The following CORO1C variants were observed in gnomAD, a reference collection of about 807,000 sequenced individuals.
CORO1C encodes coronin-1C.
CORO1C carries 14 observed loss-of-function variants against 51.2 expected under a neutral mutation model. The observed-to-expected ratio is 0.27, with a 90% CI of 0.18 to 0.43. CORO1C has a LOEUF of 0.43. Ranked by LOEUF, CORO1C falls within the 20% of genes least tolerant of loss-of-function variation. CORO1C has a pLI of 1.00. For missense variants in CORO1C, 417 were observed against 607.8 expected, an observed-to-expected ratio of 0.69 and a Z score of 3.30; for synonymous variants, 181 against 210.5, an observed-to-expected ratio of 0.86 and a Z score of 1.21.
chr12:108,698,697 G>A (rs2136862409), intron 2 of CORO1C, among the ~76,000 whole-genome samples: 1 of 152,358 alleles, frequency 6.6e-6, no homozygotes, highest in African/African-American at 2.4e-5. Flanking sequence ...ATGGGCCACT[G>A]TGCCCGGCCA....
chr12:108,727,010 TA>T (rs2035609416), intron 1 of CORO1C, among the ~76,000 whole-genome samples: 2 of 152,330 alleles, frequency 1.3e-5, no homozygotes, highest in South Asian at 4.1e-4. Flanking sequence ...ACATAGGCAA[TA>T]AAGACATTCA....
chr12:108,700,828 G>T (rs2034842971), intron 2 of CORO1C: 1 of 266,228 alleles, frequency 3.8e-6, no homozygotes, highest in South Asian at 9.3e-5. Flanking sequence ...TTTGTGAAAA[G>T]CAGATGATTA....
chr12:108,673,586 C>T (rs1468890312), intron 3 of CORO1C, among the ~76,000 whole-genome samples: 1 of 152,164 alleles, frequency 6.6e-6, no homozygotes, highest in East Asian at 1.9e-4. Flanking sequence ...AAAGAAGATG[C>T]CATCTAGAAC....
intron 6 of CORO1C, 152 bp from the exon 7 acceptor site, chr12:108,654,562 A>C: frequency 1.7e-4 from 85 of 488,718 alleles, no homozygotes; most frequent in East Asian, 2.5e-4. Context: ...TACAATACTC[A>C]TACATGGAAA....
At chr12:108,670,907 GA>G (rs1466556162) in intron 3 of CORO1C, among the ~76,000 whole-genome samples, 1 of 149,348 alleles carries the variant, frequency 6.7e-6, no homozygotes, top group Non-Finnish European at 1.5e-5. Flanking sequence ...AAAAAAATTA[GA>G]AATAAATGAA....
At chr12:108,715,643 C>A (rs961069061) in intron 1 of CORO1C, among the ~76,000 whole-genome samples, 1 of 46,622 alleles carries the variant, frequency 2.1e-5, no homozygotes, top group African/African-American at 1.0e-4. Context: ...CCCTCCCCCC[C>A]TCCCCCCCGC....
At chr12:108,699,763 T>G (rs115862808) in intron 2 of CORO1C, among the ~76,000 whole-genome samples, 166 of 152,280 alleles carry the variant, frequency 1.1e-3, no homozygotes, top group African/African-American at 3.8e-3. Flanking sequence ...TGAACAGAAA[T>G]AAAAGTATCT....
intron 1 of CORO1C, among the ~76,000 whole-genome samples, chr12:108,711,156 A>G (rs1174711288): frequency 1.3e-5 from 2 of 152,112 alleles, no homozygotes; most frequent in Non-Finnish European, 2.9e-5. Context: ...AGAGTCCAGG[A>G]GTTCGAGACC....
chr12:108,700,887 TATA>T lies in CORO1C; in HGVS notation c.195+234_195+236del, dbSNP rs58319299. 1,422 of 456,656 alleles carry T rather than the reference TATA, an allele frequency of 3.1e-3. 19 individuals carry two copies. Among genetic ancestry groups the T allele is most frequent in the African/African-American group, 0.024 (1,265 of 51,734 alleles). 28.3% of individuals were successfully genotyped at this position (456,656 alleles called of 1,614,324 possible). A position where few individuals can be genotyped will look rare whatever the true frequency, so the allele number is the denominator to read the frequency against. Reference sequence around the variant, plus strand: ...TGCCTGCCCATGCTCACAACATCGTTATAATAATTTTTTCATCCATAGAGGGCA... The same window carrying T: ...TGCCTGCCCATGCTCACAACATCGTTATAATTTTTTCATCCATAGAGGGCA... On this transcript the variant is annotated intron_variant, in intron 2 of 10. Transcript: ENST00000261401.
chr12:108,701,592 G>A (rs1045327599), intron 1 of CORO1C: 4 of 460,778 alleles, frequency 8.7e-6, no homozygotes, highest in Non-Finnish European at 1.6e-5. Flanking sequence ...TCAATGGAAA[G>A]ATTAAGGGAA....
At chr12:108,683,939 A>C (rs1231571316) in intron 2 of CORO1C, among the ~76,000 whole-genome samples, 1 of 152,244 alleles carries the variant, frequency 6.6e-6, no homozygotes, top group Admixed American at 6.5e-5. Flanking sequence ...AGTATAAGGG[A>C]GAAAAATTGA....
intron 3 of CORO1C, among the ~76,000 whole-genome samples, chr12:108,674,753 C>A (rs1007646410): frequency 1.3e-5 from 2 of 152,102 alleles, no homozygotes; most frequent in Non-Finnish European, 2.9e-5. Context: ...TGAATTGCTG[C>A]AATCTCATGA....
At chr12:108,666,950 C>A (rs1379632370) in intron 3 of CORO1C, among the ~76,000 whole-genome samples, 1 of 152,048 alleles carries the variant, frequency 6.6e-6, no homozygotes, top group Non-Finnish European at 1.5e-5. Context: ...GCTGTGTGAC[C>A]CTTAACAAAA....
At chr12:108,675,796 T>C (rs2033886218) in intron 3 of CORO1C, among the ~76,000 whole-genome samples, 1 of 152,230 alleles carries the variant, frequency 6.6e-6, no homozygotes, top group African/African-American at 2.4e-5. Flanking sequence ...TGACATCATG[T>C]GCTTCCTAGC....
intron 1 of CORO1C, among the ~76,000 whole-genome samples, chr12:108,716,561 AG>A (rs1210485854): frequency 1.3e-5 from 2 of 152,224 alleles, no homozygotes; most frequent in Non-Finnish European, 2.9e-5. Context: ...AGGAACATTA[AG>A]GAAGAGTAGG....
intron 2 of CORO1C, among the ~76,000 whole-genome samples, chr12:108,693,350 C>T (rs1486455944): frequency 2.0e-5 from 3 of 152,154 alleles, no homozygotes. Flanking sequence ...TATCCACGTA[C>T]GATCTGCTGA....
intron 1 of CORO1C, chr12:108,702,980 G>A: frequency 6.7e-7 from 1 of 1,498,002 alleles, no homozygotes; most frequent in Non-Finnish European, 8.9e-7. Context: ...GATGGCAAAT[G>A]ATTCGTGGCC....
intron 2 of CORO1C, among the ~76,000 whole-genome samples, chr12:108,689,925 T>TA (rs1421685113): frequency 6.6e-6 from 1 of 152,176 alleles, no homozygotes; most frequent in Non-Finnish European, 1.5e-5. Context: ...AGCCCAAGCA[T>TA]AAGGGCTCCA....
chr12:108,724,973 G>C (rs549473632), intron 1 of CORO1C, among the ~76,000 whole-genome samples: 1 of 152,300 alleles, frequency 6.6e-6, no homozygotes, highest in South Asian at 2.1e-4. Flanking sequence ...ACTGTAACCA[G>C]AAGAGTTATC....
Sources: allele counts gnomAD v4.1 joint callset (sites outside exome capture counted in the v4.1 genomes callset), GRCh38; gene constraint gnomAD v4.1.1; transcripts MANE v1.5; gene names NCBI Gene and HGNC (gene_info 2026-07-23, HGNC 2026-07-21).